PCDHGA6: variants seen among roughly 807,000 people sequenced by gnomAD.
PCDHGA6 encodes the protein protocadherin gamma-A6.
PCDHGA6 carries 41 observed loss-of-function variants against 60.6 expected under a neutral mutation model. The observed-to-expected ratio is 0.68, with a 90% CI of 0.53 to 0.88. The LOEUF is 0.88. PCDHGA6 is among the 40% of genes least tolerant of loss of function. The probability of loss-of-function intolerance (pLI) is 0.00; values close to 1 mark genes in which losing one functional copy is unlikely to be tolerated. For missense variants in PCDHGA6, 1,312 were observed against 1,203.0 expected, an observed-to-expected ratio of 1.09 and a Z score of -1.34; for synonymous variants, 594 against 524.4, an observed-to-expected ratio of 1.13 and a Z score of -1.81.
chr5:141,400,058 ATGG>A (rs2093953327), intron 1 of PCDHGA6: 1 of 1,613,570 alleles, frequency 6.2e-7, no homozygotes, highest in Admixed American at 1.7e-5. Flanking sequence ...GCTGTGCGTG[ATGG>A]TGGACAGCCG....
chr5:141,468,680 C>T (rs1176643092), intron 1 of PCDHGA6: 1 of 151,074 alleles, frequency 6.6e-6, no homozygotes, highest in Non-Finnish European at 1.5e-5. Flanking sequence ...TCCTGGCTAA[C>T]ACGGTGAAAC....
At chr5:141,475,840 A>T in intron 1 of PCDHGA6, 1 of 434,888 alleles carries the variant, frequency 2.3e-6, no homozygotes, top group Non-Finnish European at 4.1e-6. Flanking sequence ...TGTCCTGCTC[A>T]GAGAGCCCGG....
At chr5:141,454,870 C>T (rs2098805291) in intron 1 of PCDHGA6, among the ~76,000 whole-genome samples, 1 of 131,902 alleles carries the variant, frequency 7.6e-6, no homozygotes, top group Non-Finnish European at 1.5e-5. Context: ...TGCAGTGGCA[C>T]GATCTTGGCT....
In PCDHGA6 at chr5:141,387,872, G is replaced by T. The variant is rs1436610477; in HGVS notation, c.2424+11365G>T. ...TCTCCAGGCTGGTGAGCAAGCTGAG[G>T]AGAGCAAGAGGGATGGGGAGCGGCG... is the stretch of plus-strand genomic sequence containing the variant. On this transcript the variant is annotated intron_variant, in intron 1 of 3. Coordinates refer to ENST00000517434, the MANE Select transcript of PCDHGA6 (RefSeq NM_018919.3). The T allele has an allele frequency of 1.8e-5, 28 of 1,588,586 alleles. No homozygotes were observed. In the Admixed American group the frequency reaches 4.7e-4, roughly 26 times the overall value.
At chr5:141,400,904 T>C (rs958521699) in intron 1 of PCDHGA6, among the ~76,000 whole-genome samples, 14 of 152,250 alleles carry the variant, frequency 9.2e-5, no homozygotes, top group African/African-American at 3.4e-4. Context: ...TAATTCATCT[T>C]TTAAAGCAAA....
At chr5:141,429,924 A>T (rs2097252885) in intron 1 of PCDHGA6, among the ~76,000 whole-genome samples, 1 of 152,210 alleles carries the variant, frequency 6.6e-6, no homozygotes, top group Admixed American at 6.5e-5. Context: ...GTATTAATAG[A>T]ATTCTGGAGT....
At chr5:141,430,877 G>A (rs1392342627) in intron 1 of PCDHGA6, 5 of 1,600,678 alleles carry the variant, frequency 3.1e-6, no homozygotes, top group African/African-American at 2.7e-5. Context: ...GGAAGAGCTG[G>A]AGAAAGGCTC....
intron 1 of PCDHGA6, among the ~76,000 whole-genome samples, chr5:141,443,514 C>T (rs1386662758): frequency 6.6e-6 from 1 of 152,056 alleles, no homozygotes; most frequent in Non-Finnish European, 1.5e-5. Flanking sequence ...AAGAGCTTCT[C>T]TCCTTATGAC....
At position 141,427,298 on chromosome 5, in the gene PCDHGA6, G is replaced by A. The variant is rs960474831; in HGVS notation, c.2424+50791G>A. The A allele has an allele frequency of 8.8e-6, 4 of 456,870 alleles. No individual in the cohort carries two copies. The Admixed American group carries it at 9.4e-5, about 11-fold the overall frequency. 28.3% of individuals were successfully genotyped at this position (456,870 alleles called of 1,614,324 possible). A position where few individuals can be genotyped will look rare whatever the true frequency, so the allele number is the denominator to read the frequency against. On this transcript the variant is annotated intron_variant, in intron 1 of 3. Coordinates refer to ENST00000517434, the MANE Select transcript of PCDHGA6 (RefSeq NM_018919.3). ...AAATTATACTAGAAATCCTAGATGA[G>A]AATGACAATGCCCCAGACGTGGTTT...
chr5:141,409,872 A>G (rs1283725014), intron 1 of PCDHGA6: 1 of 1,612,710 alleles, frequency 6.2e-7, no homozygotes, highest in Non-Finnish European at 8.5e-7. Flanking sequence ...GACCGCAATG[A>G]CAACGCACCG....
intron 1 of PCDHGA6, chr5:141,428,119 C>T (rs2097112199): frequency 6.2e-7 from 1 of 1,606,512 alleles, no homozygotes; most frequent in Non-Finnish European, 8.5e-7. Context: ...GCCATCGAGC[C>T]CGGGCTTTTC....
At chr5:141,501,606 G>A (rs2099810134) in intron 2 of PCDHGA6, among the ~76,000 whole-genome samples, 1 of 152,012 alleles carries the variant, frequency 6.6e-6, no homozygotes, top group African/African-American at 2.4e-5. Flanking sequence ...AGTTCCAGCT[G>A]TGTGACTCTG....
intron 1 of PCDHGA6, among the ~76,000 whole-genome samples, chr5:141,434,700 G>A (rs1041657389): frequency 6.6e-6 from 1 of 151,780 alleles, no homozygotes; most frequent in Non-Finnish European, 1.5e-5. Context: ...TAATAAATAT[G>A]TGGGTAAATC....
In PCDHGA6 at chr5:141,430,969, TAGGACGCA is replaced by T. The variant is rs775497521; in HGVS notation, c.2424+54463_2424+54470del. The T allele has an allele frequency of 7.3e-5, 118 of 1,613,012 alleles. 1 individual carries two copies. The Middle Eastern group carries it at 1.8e-3, about 25-fold the overall frequency. On this transcript the variant is annotated intron_variant, in intron 1 of 3. Transcript: ENST00000517434. ...GCGGAGTCCGCATCATCCCCAGAGG[TAGGACGCA>T]GCTTTTCGCCCTGAATCCGCGCAGC...
chr5:141,437,262 G>A (rs1490690532), intron 1 of PCDHGA6, among the ~76,000 whole-genome samples: 1 of 152,152 alleles, frequency 6.6e-6, no homozygotes, highest in Non-Finnish European at 1.5e-5. Flanking sequence ...CTTTTTATGT[G>A]TATGACAGAT....
chr5:141,421,383 C>A lies in PCDHGA6; in HGVS notation c.2424+44876C>A, dbSNP rs754951142. The A allele has an allele frequency of 2.5e-6, 4 of 1,614,034 alleles. 1 individual carries two copies. The highest frequency in any genetic ancestry group is 8.5e-7 in the Non-Finnish European group (1 of 1,179,910). On this transcript the variant is annotated intron_variant, in intron 1 of 3. Transcript: ENST00000517434. ...CCTTCGTGGGCAATATCTCCAAGGA[C>A]CTGGGGCTGGAGCCCCGGGAGCTGG...
rs1308866536 is a variant in PCDHGA6 at position 141,464,896 on chromosome 5, GT to G, written c.2425-29910del. On this transcript the variant is annotated intron_variant, in intron 1 of 3. Coordinates refer to ENST00000517434, the MANE Select transcript of PCDHGA6 (RefSeq NM_018919.3). ...TAGGACTACAGATGGATGCCACCAT[GT>G]CCAGCTAATTTTTTTATTTTTTTGT... 2.0e-5 allele frequency among the ~76,000 whole-genome samples: 3 copies of G among 151,672 alleles called. No homozygotes were observed. The East Asian group carries it at 5.8e-4, about 30-fold the overall frequency.
At chr5:141,459,490 T>C (rs2098968649) in intron 1 of PCDHGA6, among the ~76,000 whole-genome samples, 1 of 152,236 alleles carries the variant, frequency 6.6e-6, no homozygotes, top group Non-Finnish European at 1.5e-5. Context: ...TATTCTGAAT[T>C]AAAGTGATGT....
At chr5:141,420,291 G>A in intron 1 of PCDHGA6, 1 of 1,494,346 alleles carries the variant, frequency 6.7e-7, no homozygotes, top group Non-Finnish European at 9.0e-7. Context: ...ATTTAAAAAT[G>A]TATTTAATCC....
Sources: allele counts gnomAD v4.1 joint callset (sites outside exome capture counted in the v4.1 genomes callset), GRCh38; gene constraint gnomAD v4.1.1; transcripts MANE v1.5; gene names NCBI Gene and HGNC (gene_info 2026-07-23, HGNC 2026-07-21).